The following MTF2 variants were observed in gnomAD, a reference collection of about 807,000 sequenced individuals.
The protein encoded by MTF2 is metal response element binding transcription factor 2, also known as metal-response element-binding transcription factor 2.
A neutral mutation model predicts 79.5 loss-of-function variants in MTF2; 11 were observed. The ratio of observed to expected loss-of-function variants is 0.14; its 90% CI spans 0.09 to 0.23. MTF2 has a LOEUF of 0.23. Ranked by LOEUF, MTF2 falls within the 10% of genes least tolerant of loss-of-function variation. The probability of loss-of-function intolerance (pLI) is 1.00; values close to 1 mark genes in which losing one functional copy is unlikely to be tolerated. For synonymous variants in MTF2, 208 were observed against 232.8 expected (o/e 0.89, Z 0.97); for missense variants, 486 against 711.2 (o/e 0.68, Z 3.60).
chr1:93,130,646 A>G (rs1461042242), intron 11 of MTF2, among the ~76,000 whole-genome samples: 2 of 152,174 alleles, frequency 1.3e-5, no homozygotes, highest in Non-Finnish European at 2.9e-5. Flanking sequence ...TAAAAGCAGG[A>G]GAAAATTAAC....
intron 1 of MTF2, among the ~76,000 whole-genome samples, chr1:93,093,549 G>C (rs1211170945): frequency 3.3e-5 from 5 of 152,118 alleles, no homozygotes; most frequent in Admixed American, 1.3e-4. Flanking sequence ...CCTTCTGTGT[G>C]ACATACCTTG....
intron 6 of MTF2, among the ~76,000 whole-genome samples, chr1:93,117,473 C>G (rs935525152): frequency 7.9e-5 from 12 of 152,120 alleles, no homozygotes; most frequent in Non-Finnish European, 2.9e-5. Flanking sequence ...GATCTATAGA[C>G]CATACATTGA....
chr1:93,107,646 T>G (rs1360034557), intron 1 of MTF2, among the ~76,000 whole-genome samples: 1 of 152,238 alleles, frequency 6.6e-6, no homozygotes. Context: ...AGCCACTTAG[T>G]TCTGTATAAG....
intron 3 of MTF2, among the ~76,000 whole-genome samples, chr1:93,111,213 A>G (rs907028160): frequency 1.3e-5 from 2 of 152,164 alleles, no homozygotes; most frequent in African/African-American, 2.4e-5. Context: ...TGCTTTTAGC[A>G]TCTGCTAAAT....
intron 3 of MTF2, among the ~76,000 whole-genome samples, chr1:93,111,130 A>C (rs1203259636): frequency 6.6e-6 from 1 of 152,172 alleles, no homozygotes; most frequent in Non-Finnish European, 1.5e-5. Flanking sequence ...AAAATGAATG[A>C]AAGTATGCCT....
intron 1 of MTF2, among the ~76,000 whole-genome samples, chr1:93,082,878 A>G (rs578015623): frequency 1.9e-3 from 295 of 152,276 alleles, no homozygotes; most frequent in African/African-American, 6.9e-3. Context: ...CCTATCCACT[A>G]TCCTCTGGCA....
At chr1:93,123,234 G>C (rs901175592) in intron 9 of MTF2, among the ~76,000 whole-genome samples, 2 of 118,868 alleles carry the variant, frequency 1.7e-5, no homozygotes, top group African/African-American at 6.4e-5. Flanking sequence ...TTTTTTTTAA[G>C]AGACAGGACA....
chr1:93,103,679 G>A (rs1655643838), intron 1 of MTF2, among the ~76,000 whole-genome samples: 1 of 148,082 alleles, frequency 6.8e-6, no homozygotes, highest in South Asian at 2.1e-4. Flanking sequence ...CAGAAAGGAA[G>A]TAATAAATTC....
At position 93,114,973 on chromosome 1, in the gene MTF2, T is replaced by C; in HGVS notation, c.383-15T>C. On this transcript the variant is annotated splice_polypyrimidine_tract_variant and intron_variant, in intron 4 of 14. Transcript: ENST00000370298. Reference sequence around the variant, plus strand: ...AATGAAACCGAATTTGCTTTATGCTTTTTTTGATATTAAGGATATCATCAG... The same window carrying C: ...AATGAAACCGAATTTGCTTTATGCTCTTTTTGATATTAAGGATATCATCAG... The C allele has an allele frequency of 6.4e-7, 1 of 1,551,494 alleles. No homozygotes were observed. Among genetic ancestry groups the C allele is most frequent in the Non-Finnish European group, 8.8e-7 (1 of 1,133,144 alleles).
intron 11 of MTF2, among the ~76,000 whole-genome samples, chr1:93,130,120 A>G (rs984574932): frequency 6.6e-6 from 1 of 152,328 alleles, no homozygotes; most frequent in East Asian, 1.9e-4. Flanking sequence ...TATTCTAAGA[A>G]CTCACAGAAG....
chr1:93,104,988 C>A (rs1017074639), intron 1 of MTF2, among the ~76,000 whole-genome samples: 2 of 151,850 alleles, frequency 1.3e-5, no homozygotes, highest in Admixed American at 1.3e-4. Context: ...ACTAAAAATA[C>A]AAAAAGTTAG....
At chr1:93,115,117 T>G in intron 5 of MTF2, 29 bp downstream of exon 5, 4 of 1,471,722 alleles carry the variant, frequency 2.7e-6, no homozygotes, top group Non-Finnish European at 9.5e-7. Context: ...GGGCTAAAGC[T>G]CTGATGGAAT....
At chr1:93,124,707 A>G (rs1656622330) in intron 9 of MTF2, among the ~76,000 whole-genome samples, 1 of 152,054 alleles carries the variant, frequency 6.6e-6, no homozygotes, top group Non-Finnish European at 1.5e-5. Context: ...GTGGTTAGCA[A>G]CAAATTACCT....
intron 1 of MTF2, 88 bp from the exon 2 acceptor site, chr1:93,110,142 A>G: frequency 7.9e-7 from 1 of 1,273,504 alleles, no homozygotes; most frequent in Non-Finnish European, 1.1e-6. Flanking sequence ...AACAAATTTA[A>G]AACTTTGATT....
chr1:93,088,989 A>G (rs976269644), intron 1 of MTF2, among the ~76,000 whole-genome samples: 27 of 152,160 alleles, frequency 1.8e-4, no homozygotes, highest in Non-Finnish European at 2.6e-4. Context: ...AAGATGTTCT[A>G]TAAAACTGAC....
intron 1 of MTF2, among the ~76,000 whole-genome samples, chr1:93,099,594 T>A (rs1655445153): frequency 6.6e-6 from 1 of 152,188 alleles, no homozygotes; most frequent in Non-Finnish European, 1.5e-5. Context: ...GGGAAAGTAT[T>A]GGTCAATTGT....
intron 1 of MTF2, among the ~76,000 whole-genome samples, chr1:93,096,748 T>TA (rs765853266): frequency 1.3e-5 from 2 of 151,916 alleles, no homozygotes; most frequent in Non-Finnish European, 2.9e-5. Flanking sequence ...TTATTTCTGT[T>TA]ATGATTTCTT....
chr1:93,119,708 T>G (rs1468718721), intron 8 of MTF2: 1 of 217,094 alleles, frequency 4.6e-6, no homozygotes, highest in Non-Finnish European at 8.9e-6. Context: ...AGAAGAGAGA[T>G]AGGTATAACA....
chr1:93,096,347 G>A (rs192473910), intron 1 of MTF2, among the ~76,000 whole-genome samples: 1 of 151,896 alleles, frequency 6.6e-6, no homozygotes, highest in Non-Finnish European at 1.5e-5. Flanking sequence ...CCCCAAATAC[G>A]TATTATTAAT....
Sources: allele counts gnomAD v4.1 joint callset (sites outside exome capture counted in the v4.1 genomes callset), GRCh38; gene constraint gnomAD v4.1.1; transcripts MANE v1.5; gene names NCBI Gene and HGNC (gene_info 2026-07-23, HGNC 2026-07-21).